The following NAV1 variants were observed in gnomAD, a reference collection of about 807,000 sequenced individuals.
NAV1 encodes the protein pore membrane and/or filament interacting like protein 3.
Under a neutral mutation model 175.2 loss-of-function variants are expected in NAV1, and 18 were observed. That is an observed-to-expected ratio of 0.10 (90% CI 0.07 to 0.15). NAV1 has a LOEUF of 0.15. NAV1 is among the 10% of genes least tolerant of loss of function. The pLI is 1.00. For synonymous variants in NAV1, 897 were observed against 978.7 expected, an observed-to-expected ratio of 0.92 and a Z score of 1.56; for missense variants, 1,731 against 2,436.6, an observed-to-expected ratio of 0.71 and a Z score of 6.10.
chr1:201,808,978 C>A lies in NAV1; in HGVS notation c.4207+107C>A. On this transcript the variant is annotated intron_variant, in intron 20 of 29. Transcript: ENST00000367296. The surrounding 1 kb of genome is among the most constrained non-coding windows in gnomAD (Gnocchi z 5.5). ...GTCAGGGCGGTAACAATGCCGAAGC[C>A]AAGCAGATGCCAGTGTCCTAAGACA... The A allele has an allele frequency of 7.1e-7, 1 of 1,400,456 alleles. No homozygotes were observed. The highest frequency in any genetic ancestry group is 9.8e-7 in the Non-Finnish European group (1 of 1,017,718). The allele number at this position is 1,400,456 out of a possible 1,614,324, so 86.8% of individuals were successfully genotyped here. A position where few individuals can be genotyped will look rare whatever the true frequency, so the allele number is the denominator to read the frequency against.
At chr1:201,710,203 G>A (rs1671840489) in intron 1 of NAV1, among the ~76,000 whole-genome samples, 2 of 148,536 alleles carry the variant, frequency 1.3e-5, no homozygotes, top group Middle Eastern at 3.6e-3. Context: ...TGACATGTAT[G>A]TATCCCTTTA....
At chr1:201,560,947 G>T (rs1666178822) in intron 1 of NAV1, among the ~76,000 whole-genome samples, 1 of 152,252 alleles carries the variant, frequency 6.6e-6, no homozygotes, top group Non-Finnish European at 1.5e-5. Flanking sequence ...CGTTGCATTT[G>T]CCACCACCAC....
rs183151942 is a variant in NAV1 at position 201,657,498 on chromosome 1, T to C, written c.757+8073T>C. 4.0e-3 allele frequency among the ~76,000 whole-genome samples: 610 copies of C among 152,332 alleles called. 1 individual carries two copies. The highest frequency in any genetic ancestry group is 6.1e-3 in the Non-Finnish European group (412 of 68,030). On this transcript the variant is annotated intron_variant, in intron 1 of 29. Transcript: ENST00000367296. The stretch of plus-strand genomic sequence containing the variant: ...TTTCTGCTTTTGCTTCTTCCTTCCA[T>C]TTTTCTTCCATTTCTCTTCTTTGGA...
chr1:201,725,164 C>G (rs1201996167), intron 3 of NAV1, among the ~76,000 whole-genome samples: 3 of 152,244 alleles, frequency 2.0e-5, no homozygotes, highest in Non-Finnish European at 4.4e-5. Flanking sequence ...AATTCTCTTG[C>G]AATGAGCACT....
chr1:201,660,573 C>T (rs1669570190), intron 1 of NAV1, among the ~76,000 whole-genome samples: 1 of 152,228 alleles, frequency 6.6e-6, no homozygotes, highest in Non-Finnish European at 1.5e-5. Flanking sequence ...AGGCCATGCA[C>T]TCCACAGATA....
At chr1:201,734,215 C>G (rs1672990617) in intron 3 of NAV1, among the ~76,000 whole-genome samples, 1 of 151,960 alleles carries the variant, frequency 6.6e-6, no homozygotes, top group Non-Finnish European at 1.5e-5. Context: ...CGAGACCAGC[C>G]TGGGCAACAC....
exon 1 of NAV1, chr1:201,649,232 G>A (rs776961038): frequency 3.1e-6 from 5 of 1,613,100 alleles, no homozygotes; most frequent in Non-Finnish European, 3.4e-6. Context: ...TCAGCAAGGC[G>A]CCTGAAGCGG....
Position 201,809,931 on chromosome 1 carries a change from T to G in NAV1, c.4402-15T>G, listed in dbSNP as rs1293257771. On this transcript the variant is annotated splice_polypyrimidine_tract_variant and intron_variant, in intron 22 of 29. Coordinates refer to ENST00000367296, the Ensembl canonical transcript of NAV1. ...TTGTATATTTTCTTCTTCTTCTGCC[T>G]GTCTTTTCTGTCAGGACTATATTTC... The G allele has an allele frequency of 6.2e-7, 1 of 1,602,482 alleles. No individual in the cohort carries two copies. The highest frequency in any genetic ancestry group is 1.3e-5 in the African/African-American group (1 of 74,496).
chr1:201,715,922 G>T (rs1281140203), intron 2 of NAV1, among the ~76,000 whole-genome samples: 1 of 152,286 alleles, frequency 6.6e-6, no homozygotes, highest in Non-Finnish European at 1.5e-5. Flanking sequence ...AAGGGTGGGT[G>T]CAGGGCTGGA....
intron 1 of NAV1, among the ~76,000 whole-genome samples, chr1:201,561,167 G>A (rs1223828220): frequency 6.6e-6 from 1 of 152,200 alleles, no homozygotes; most frequent in African/African-American, 2.4e-5. Flanking sequence ...GCTCCTTTGT[G>A]AGTCCTTCTC....
chr1:201,693,646 A>G (rs1671053217), intron 1 of NAV1, among the ~76,000 whole-genome samples: 1 of 152,098 alleles, frequency 6.6e-6, no homozygotes, highest in Non-Finnish European at 1.5e-5. Flanking sequence ...TGGAGGAGGT[A>G]TGACTGGAAT....
chr1:201,720,371 G>A (rs969839993), intron 3 of NAV1, among the ~76,000 whole-genome samples: 5 of 152,220 alleles, frequency 3.3e-5, no homozygotes, highest in African/African-American at 1.2e-4. Flanking sequence ...CTTCCAGACA[G>A]GGGAAGTGAT....
At chr1:201,640,169 C>T (rs1668710633) in intron 2 of NAV1, among the ~76,000 whole-genome samples, 1 of 152,160 alleles carries the variant, frequency 6.6e-6, no homozygotes, top group Non-Finnish European at 1.5e-5. Flanking sequence ...CTCTGGAGCC[C>T]ACACACCTGA....
chr1:201,628,241 C>T (rs564692696), intron 1 of NAV1, among the ~76,000 whole-genome samples: 80 of 152,076 alleles, frequency 5.3e-4, no homozygotes, highest in Non-Finnish European at 1.1e-3. Context: ...TCTCTAACGA[C>T]ACCCCACCCT....
At chr1:201,806,748 T>G (rs1226025343) in intron 17 of NAV1, among the ~76,000 whole-genome samples, 4 of 152,228 alleles carry the variant, frequency 2.6e-5, no homozygotes, top group Non-Finnish European at 5.9e-5. Context: ...AGAAGTCACC[T>G]GGAGCCAGCC....
rs1666212425 is a variant in NAV1 at position 201,561,924 on chromosome 1, ACC to A, written c.-144+22584_-144+22585del. Among the ~76,000 whole-genome samples, 9 of 152,342 alleles carry A rather than the reference ACC, an allele frequency of 5.9e-5. 1 individual carries two copies. Among genetic ancestry groups the A allele is most frequent in the African/African-American group, 2.2e-4 (9 of 41,566 alleles). On this transcript the variant is annotated intron_variant, in intron 1 of 33. Coordinates refer to the NAV1 transcript ENST00000685211. ...GACTATCAATGGTTGGAACAAAGGC[ACC>A]CAGTTAGGTTTAGGTTTGAGAATCA...
chr1:201,785,484 C>CA, intron 8 of NAV1, 133 bp downstream of exon 12: 3 of 910,862 alleles, frequency 3.3e-6, no homozygotes, highest in Non-Finnish European at 3.5e-6. Flanking sequence ...GTATGTGGTC[C>CA]CATACAAGTA....
At position 201,599,948 on chromosome 1, in the gene NAV1, C is replaced by T. The variant is rs547979085; in HGVS notation, c.-33+11299C>T. On this transcript the variant is annotated intron_variant, in intron 2 of 33. Coordinates refer to the NAV1 transcript ENST00000685211. ...GCTATTTATTATGAAGTGCTATGTGCTCAAAAATAGGGGCTGAGTTTTAAA... is the reference window on the plus strand; with the variant it reads ...GCTATTTATTATGAAGTGCTATGTGTTCAAAAATAGGGGCTGAGTTTTAAA... Among the ~76,000 whole-genome samples the T allele has an allele frequency of 4.6e-5, 7 of 152,298 alleles. No homozygotes were observed. In the East Asian group the frequency reaches 5.8e-4, roughly 13 times the overall value.
intron 1 of NAV1, among the ~76,000 whole-genome samples, chr1:201,706,649 TC>T (rs1012963915): frequency 2.0e-5 from 3 of 152,212 alleles, no homozygotes; most frequent in South Asian, 2.1e-4. Context: ...TTGGCTCACT[TC>T]CGTTCCTTCT....
Sources: gnomAD v4.1 joint callset for allele counts (sites outside exome capture counted in the v4.1 genomes callset) on GRCh38, gnomAD v4.1.1 for gene constraint, Gnocchi (gnomAD v3.1) non-coding constraint, MANE v1.5 for transcripts, NCBI Gene and HGNC (gene_info 2026-07-23, HGNC 2026-07-21) for gene names.